The following TJP2 variants were observed in gnomAD, a reference collection of about 807,000 sequenced individuals.
The protein encoded by TJP2 is Friedreich ataxia region gene X104 (tight junction protein ZO-2).
In TJP2, 91 loss-of-function variants were observed where a neutral mutation model predicts 133.1. The ratio of observed to expected loss-of-function variants is 0.68; its 90% confidence interval spans 0.58 to 0.81. The LOEUF is 0.81. TJP2 is among the 40% of genes least tolerant of loss of function. The probability of loss-of-function intolerance (pLI) is 0.00; values close to 1 mark genes in which losing one functional copy is unlikely to be tolerated. For missense variants in TJP2, 1,541 were observed against 1,565.6 expected, an observed-to-expected ratio of 0.98 and a Z score of 0.26; for synonymous variants, 592 against 583.4, an observed-to-expected ratio of 1.01 and a Z score of -0.21.
intron 17 of TJP2, among the ~76,000 whole-genome samples, chr9:69,240,839 C>T (rs940435707): frequency 2.0e-5 from 3 of 151,684 alleles, no homozygotes; most frequent in Non-Finnish European, 4.4e-5. Context: ...CTTGGACACT[C>T]TGAATATTGG....
At chr9:69,183,122 G>A (rs956359280) in intron 1 of TJP2, among the ~76,000 whole-genome samples, 1 of 152,034 alleles carries the variant, frequency 6.6e-6, no homozygotes, top group African/African-American at 2.4e-5. Flanking sequence ...TTGTGGTAAA[G>A]TACACATAAC....
rs191814350 is a variant in TJP2 at position 69,226,418 on chromosome 9, T to C, written c.1210+243T>C. Reference sequence around the variant, plus strand: ...TCTCAGAGAACTATTAATTAGGCAATTGAAAGCAAAACTTGTCAGTAAAAA... The same window carrying C: ...TCTCAGAGAACTATTAATTAGGCAACTGAAAGCAAAACTTGTCAGTAAAAA... On this transcript the variant is annotated intron_variant, in intron 7 of 22. Coordinates refer to ENST00000377245, the MANE Select transcript of TJP2 (RefSeq NM_004817.4). Among the ~76,000 whole-genome samples the C allele has an allele frequency of 3.2e-3, 491 of 152,340 alleles. 4 individuals are homozygous for C. Among genetic ancestry groups the C allele is most frequent in the African/African-American group, 0.011 (464 of 41,580 alleles).
chr9:69,233,419 C>G (rs1317912736), intron 11 of TJP2, among the ~76,000 whole-genome samples: 8 of 152,146 alleles, frequency 5.3e-5, no homozygotes, highest in Admixed American at 5.2e-4. Context: ...ATATCAGGTA[C>G]TTTAATATGG....
intron 1 of TJP2, chr9:69,145,585 T>G (rs1823178326): frequency 3.7e-6 from 2 of 539,076 alleles, no homozygotes; most frequent in African/African-American, 3.9e-5. Context: ...GTTTAATAGA[T>G]CTAGCTAGGG....
chr9:69,149,877 C>T (rs928293690), intron 1 of TJP2, among the ~76,000 whole-genome samples: 4 of 152,116 alleles, frequency 2.6e-5, no homozygotes, highest in Admixed American at 6.5e-5. Flanking sequence ...AGGCCAGTTG[C>T]GGTGGCTCAT....
At chr9:69,152,600 A>C (rs951781242) in intron 2 of TJP2, among the ~76,000 whole-genome samples, 3 of 151,964 alleles carry the variant, frequency 2.0e-5, no homozygotes, top group African/African-American at 7.3e-5. Context: ...CACATGTCTT[A>C]ATGCTTCTGA....
chr9:69,141,869 G>A (rs751864753), intron 1 of TJP2, among the ~76,000 whole-genome samples: 7 of 152,234 alleles, frequency 4.6e-5, no homozygotes, highest in African/African-American at 7.2e-5. Flanking sequence ...GATTACAGGC[G>A]TGAGCCACAG....
intron 1 of TJP2, among the ~76,000 whole-genome samples, chr9:69,202,196 A>G (rs1413689726): frequency 2.6e-5 from 4 of 152,208 alleles, no homozygotes; most frequent in African/African-American, 7.2e-5. Flanking sequence ...TCCTTCCAAG[A>G]TGGTGTCTTG....
chr9:69,246,826 T>G, intron 18 of TJP2, 36 bp downstream of exon 18: 1 of 1,573,320 alleles, frequency 6.4e-7, no homozygotes, highest in Non-Finnish European at 8.7e-7. Context: ...GAGGTGAGAG[T>G]CCCTGTTCTG....
At chr9:69,249,175 C>T (rs1831146848) in intron 19 of TJP2, 200 bp from the exon 20 acceptor site, 6 of 985,420 alleles carry the variant, frequency 6.1e-6, no homozygotes, top group Non-Finnish European at 7.2e-6. Context: ...AAGGAAGAGA[C>T]TCTACATTGG....
intron 1 of TJP2, among the ~76,000 whole-genome samples, chr9:69,198,095 T>C (rs1022749607): frequency 3.9e-5 from 6 of 151,902 alleles, no homozygotes; most frequent in East Asian, 3.9e-4. Context: ...ACAACTGCTT[T>C]GAAAGCTACA....
At chr9:69,174,702 C>G (rs931826982) in intron 1 of TJP2, among the ~76,000 whole-genome samples, 1 of 152,162 alleles carries the variant, frequency 6.6e-6, no homozygotes, top group African/African-American at 2.4e-5. Context: ...GTCTTGAACC[C>G]GGTGTCCTGG....
chr9:69,221,611 T>C (rs1286620372), intron 5 of TJP2, 115 bp downstream of exon 5: 9 of 1,391,236 alleles, frequency 6.5e-6, no homozygotes, highest in African/African-American at 1.4e-5. Flanking sequence ...TGGAGGGAAG[T>C]GGCGTGATCT....
intron 1 of TJP2, among the ~76,000 whole-genome samples, chr9:69,191,660 A>C (rs1826211302): frequency 6.6e-6 from 1 of 152,324 alleles, no homozygotes; most frequent in Admixed American, 6.5e-5. Flanking sequence ...ACTGTGTCCT[A>C]TGTTGACAGG....
upstream of TJP2, among the ~76,000 whole-genome samples, chr9:69,170,017 A>ATT (rs540844987): frequency 2.9e-3 from 438 of 151,952 alleles, 2 homozygotes; most frequent in African/African-American, 1.0e-2. Flanking sequence ...ATTTTATTTT[A>ATT]TTATTAGTTT....
chr9:69,154,856 A>T (rs1017816598), intron 2 of TJP2, among the ~76,000 whole-genome samples: 2 of 152,096 alleles, frequency 1.3e-5, no homozygotes, highest in Non-Finnish European at 2.9e-5. Flanking sequence ...CTAGATACGA[A>T]ATCTCATTGT....
chr9:69,226,266 G>C, intron 7 of TJP2, 91 bp downstream of exon 7: 1 of 1,461,914 alleles, frequency 6.8e-7, no homozygotes, highest in Non-Finnish European at 9.4e-7. Flanking sequence ...CCAGCTGGAA[G>C]TTAAATTTCT....
rs182020989 is a variant in TJP2, at chr9:69,234,741, T to G, written c.1780+194T>G. ...TAACTTTCCATAAAAATGTTTTCTA[T>G]GCATGCACTGAAATAATTTTACTAG... is the stretch of plus-strand genomic sequence containing the variant. On this transcript the variant is annotated intron_variant, in intron 12 of 22. Transcript: ENST00000377245. Among the ~76,000 whole-genome samples the G allele has an allele frequency of 2.8e-3, 432 of 152,316 alleles. 2 individuals are homozygous for G. The highest frequency in any genetic ancestry group is 4.4e-3 in the Non-Finnish European group (297 of 68,030).
At chr9:69,136,425 TACTATA>T (rs1453425644) in intron 1 of TJP2, among the ~76,000 whole-genome samples, 1 of 152,190 alleles carries the variant, frequency 6.6e-6, no homozygotes, top group Admixed American at 6.5e-5. Flanking sequence ...GTAGAGTGTA[TACTATA>T]ATGACAATAA....
Sources: gnomAD v4.1 joint callset for allele counts (sites outside exome capture counted in the v4.1 genomes callset) on GRCh38, gnomAD v4.1.1 for gene constraint, MANE v1.5 for transcripts, NCBI Gene and HGNC (gene_info 2026-07-23, HGNC 2026-07-21) for gene names.